The following AZIN1 variants were observed in gnomAD, a reference collection of about 807,000 sequenced individuals.
The protein encoded by AZIN1 is antizyme inhibitor 1.
A neutral mutation model predicts 47.4 loss-of-function variants in AZIN1; 12 were observed. The ratio of observed to expected loss-of-function variants is 0.25; its 90% CI spans 0.16 to 0.41. The LOEUF (loss-of-function observed/expected upper bound fraction) is 0.41, where lower values mean the gene tolerates loss of function less well. Among genes scored for constraint, AZIN1 ranks in the 10% least tolerant of loss-of-function variants. The pLI is 1.00. For synonymous variants in AZIN1, 155 were observed against 176.3 expected (o/e 0.88, Z 0.96); for missense variants, 410 against 532.4 (o/e 0.77, Z 2.26).
rs1811306194 is a variant in AZIN1, at chr8:102,829,571, CAG to C, written c.1021-87_1021-86del. 14 of 1,271,316 alleles carry C rather than the reference CAG, an allele frequency of 1.1e-5. 1 individual carries two copies. In the South Asian group the frequency reaches 2.0e-4, roughly 18 times the overall value. 78.8% of individuals were successfully genotyped at this position (1,271,316 alleles called of 1,614,324 possible). A position where few individuals can be genotyped will look rare whatever the true frequency, so the allele number is the denominator to read the frequency against. On this transcript the variant is annotated intron_variant, in intron 10 of 11. Transcript: ENST00000337198. ...GAGTAAATAAGTATTTTCACTGTCT[CAG>C]ATCCAATGTGCTCATGGAAAAAAGG... is the stretch of plus-strand genomic sequence containing the variant.
At chr8:102,849,756 A>G (rs1230818812) in intron 2 of AZIN1, among the ~76,000 whole-genome samples, 4 of 149,898 alleles carry the variant, frequency 2.7e-5, no homozygotes, top group Non-Finnish European at 6.0e-5. Context: ...ACTTTTATTA[A>G]TAATTTCCTC....
At chr8:102,829,121 A>C in intron 11 of AZIN1, 151 bp downstream of exon 11, 1 of 683,668 alleles carries the variant, frequency 1.5e-6, no homozygotes, top group South Asian at 1.9e-5. Flanking sequence ...TGTATTTGTC[A>C]GAACAAATTC....
intron 3 of AZIN1, among the ~76,000 whole-genome samples, chr8:102,842,443 C>G (rs990433380): frequency 6.6e-6 from 1 of 152,034 alleles, no homozygotes; most frequent in Non-Finnish European, 1.5e-5. Context: ...CAGTGGCTCA[C>G]GCCTGTAATC....
intron 1 of AZIN1, among the ~76,000 whole-genome samples, chr8:102,862,707 T>C (rs539837277): frequency 6.6e-6 from 1 of 152,310 alleles, no homozygotes; most frequent in Admixed American, 6.5e-5. Context: ...TTTGAGTCCT[T>C]AGATTCCCAC....
intron 9 of AZIN1, among the ~76,000 whole-genome samples, chr8:102,831,531 T>G (rs1254942975): frequency 6.8e-6 from 1 of 147,814 alleles, no homozygotes; most frequent in African/African-American, 2.5e-5. Context: ...TAATCCCAGC[T>G]ACTTGGGAGG....
intron 6 of AZIN1, chr8:102,834,962 T>C (rs1811724357): frequency 2.0e-6 from 1 of 495,526 alleles, no homozygotes; most frequent in South Asian, 2.9e-5. Context: ...ACTGTAATTC[T>C]ATAAACAAAA....
At chr8:102,842,799 G>A (rs1463829613) in intron 3 of AZIN1, among the ~76,000 whole-genome samples, 1 of 152,084 alleles carries the variant, frequency 6.6e-6, no homozygotes, top group African/African-American at 2.4e-5. Context: ...GGGAGGCTGA[G>A]GCATAAGGAT....
intron 3 of AZIN1, among the ~76,000 whole-genome samples, chr8:102,842,712 A>C (rs991758274): frequency 6.6e-6 from 1 of 150,890 alleles, no homozygotes; most frequent in Non-Finnish European, 1.5e-5. Flanking sequence ...ATCTCAAAAA[A>C]AAAAACAAAA....
At chr8:102,833,262 G>C (rs1307375817) in intron 8 of AZIN1, 44 bp from the exon 9 acceptor site, 2 of 1,548,582 alleles carry the variant, frequency 1.3e-6, no homozygotes, top group Non-Finnish European at 1.8e-6. Flanking sequence ...TATTGGATTA[G>C]ATAATTCGCA....
intron 3 of AZIN1, among the ~76,000 whole-genome samples, chr8:102,841,838 C>G (rs1586175657): frequency 6.7e-6 from 1 of 149,326 alleles, no homozygotes; most frequent in South Asian, 2.1e-4. Flanking sequence ...AGGCTGGGCG[C>G]GGTGGCTCGC....
intron 1 of AZIN1, among the ~76,000 whole-genome samples, chr8:102,861,627 G>A (rs924135363): frequency 3.3e-5 from 5 of 152,108 alleles, no homozygotes; most frequent in African/African-American, 7.2e-5. Flanking sequence ...AAGACAACAG[G>A]GATGAATATT....
At chr8:102,841,231 A>C (rs1236539519) in intron 3 of AZIN1, among the ~76,000 whole-genome samples, 1 of 152,214 alleles carries the variant, frequency 6.6e-6, no homozygotes, top group Admixed American at 6.5e-5. Flanking sequence ...GGAGATGAAT[A>C]CCAGGATGTT....
chr8:102,830,409 AAAAAAAAAAAAG>A (rs1811366687), intron 9 of AZIN1, among the ~76,000 whole-genome samples: 1 of 151,614 alleles, frequency 6.6e-6, no homozygotes, highest in African/African-American at 2.4e-5. Context: ...CTCAAAAAAA[AAAAAAAAAAAAG>A]AAAAAAGTAT....
At chr8:102,843,496 A>G in intron 3 of AZIN1, 55 bp downstream of exon 3, 2 of 1,464,178 alleles carry the variant, frequency 1.4e-6, no homozygotes, top group South Asian at 2.3e-5. Context: ...ATTAAAAAGC[A>G]CTCGTTTCAG....
intron 2 of AZIN1, among the ~76,000 whole-genome samples, chr8:102,853,775 A>G (rs1813078779): frequency 6.6e-6 from 1 of 151,808 alleles, no homozygotes; most frequent in African/African-American, 2.4e-5. Flanking sequence ...TTGGTCAAAG[A>G]GTATCAACCG....
intron 5 of AZIN1, chr8:102,836,613 A>G: frequency 1.9e-6 from 1 of 514,422 alleles, no homozygotes; most frequent in East Asian, 3.3e-5. Context: ...TGGAAAATGC[A>G]GCAAGTTAAG....
chr8:102,836,990 C>T (rs991562016), intron 5 of AZIN1, among the ~76,000 whole-genome samples: 5 of 152,138 alleles, frequency 3.3e-5, no homozygotes, highest in African/African-American at 9.7e-5. Flanking sequence ...CTGCAACCTC[C>T]GCCTCATGAG....
At chr8:102,839,914 C>A in intron 3 of AZIN1, 91 bp from the exon 4 acceptor site, 1 of 860,804 alleles carries the variant, frequency 1.2e-6, no homozygotes, top group Non-Finnish European at 1.8e-6. Context: ...TTTTCCTCCA[C>A]AAATATATGG....
intron 2 of AZIN1, among the ~76,000 whole-genome samples, chr8:102,852,987 C>G (rs962399208): frequency 1.3e-5 from 2 of 152,112 alleles, no homozygotes; most frequent in Non-Finnish European, 2.9e-5. Flanking sequence ...GTTTACAAGC[C>G]TTTTTCATAG....
Sources: gnomAD v4.1 joint callset for allele counts (sites outside exome capture counted in the v4.1 genomes callset) on GRCh38, gnomAD v4.1.1 for gene constraint, MANE v1.5 for transcripts, NCBI Gene and HGNC (gene_info 2026-07-23, HGNC 2026-07-21) for gene names.